FBLN2: variants seen among roughly 807,000 people sequenced by gnomAD.
FBLN2 encodes the protein fibulin 2.
FBLN2 carries 81 observed loss-of-function variants against 123.7 expected under a neutral mutation model. That is an observed-to-expected ratio of 0.65 (90% CI 0.55 to 0.79). FBLN2 has a LOEUF of 0.79. FBLN2 is among the 30% of genes least tolerant of loss of function. FBLN2 has a pLI of 0.00. For missense variants in FBLN2, 1,603 were observed against 1,681.3 expected (o/e 0.95, Z 0.81); for synonymous variants, 699 against 701.4 (o/e 1.00, Z 0.05).
chr3:13,631,772 C>T (rs1449177699), intron 16 of FBLN2, among the ~76,000 whole-genome samples: 2 of 152,188 alleles, frequency 1.3e-5, no homozygotes, highest in East Asian at 1.9e-4. Flanking sequence ...AGTGAGGAGA[C>T]GGCAGAAGAG....
In FBLN2 at chr3:13,637,214, A is replaced by C. The variant is rs534041263; in HGVS notation, c.3339-348A>C. Among the ~76,000 whole-genome samples the C allele has an allele frequency of 2.0e-5, 3 of 152,292 alleles. No homozygotes were observed. The East Asian group carries it at 5.8e-4, about 29-fold the overall frequency. On this transcript the variant is annotated intron_variant, in intron 17 of 17. Transcript: ENST00000404922. ...CTGGGTGCACTGGGAAGAAGGGAGAAGGAGGAGGAAGGGAAGGGGAGAGGG... is the reference window on the plus strand; with the variant it reads ...CTGGGTGCACTGGGAAGAAGGGAGACGGAGGAGGAAGGGAAGGGGAGAGGG...
chr3:13,589,587 T>C (rs1432803149), intron 2 of FBLN2, among the ~76,000 whole-genome samples: 1 of 152,114 alleles, frequency 6.6e-6, no homozygotes, highest in East Asian at 1.9e-4. Context: ...TGTCCAGTGC[T>C]CTCTCTCATT....
intron 2 of FBLN2, among the ~76,000 whole-genome samples, chr3:13,585,577 G>A (rs112837494): frequency 6.6e-6 from 1 of 152,190 alleles, no homozygotes; most frequent in Non-Finnish European, 1.5e-5. Flanking sequence ...GCCATTACTC[G>A]TGTTTGTGGT....
At chr3:13,554,892 A>C (rs922633279) in intron 1 of FBLN2, among the ~76,000 whole-genome samples, 7 of 151,388 alleles carry the variant, frequency 4.6e-5, no homozygotes, top group African/African-American at 1.5e-4. Flanking sequence ...TTGACATCAT[A>C]CTTAATAACT....
At position 13,618,105 on chromosome 3, in the gene FBLN2, G is replaced by A. The variant is rs1357591798; in HGVS notation, c.1759G>A (p.Ala587Thr). 11 of 1,613,430 alleles carry A rather than the reference G, an allele frequency of 6.8e-6. No homozygotes were observed. Among genetic ancestry groups the A allele is most frequent in the African/African-American group, 1.3e-5 (1 of 75,072 alleles). The change falls in exon 6 of 18, where the codon GCC becomes ACC. Residue 587 changes from alanine (A) to threonine (T), a missense_variant. Transcript: ENST00000404922. ...AGAGGCAGAGATGGCGGGCCGAGAGGCCCTGTCACTGGGCACAGAGGCCGA... is the reference window on the plus strand; with the variant it reads ...AGAGGCAGAGATGGCGGGCCGAGAGACCCTGTCACTGGGCACAGAGGCCGA... Reference protein sequence around the residue: ...VSEAEMAGREALSLGTEAELP... With the variant: ...VSEAEMAGRETLSLGTEAELP...
rs1200169929 is a variant in FBLN2 at position 13,571,509 on chromosome 3, C to T, written c.1154C>T (p.Pro385Leu). The stretch of plus-strand genomic sequence containing the variant: ...CCCAGGGACCCAGTCAAGCCCAGCC[C>T]CCACAACATCCTGTCCACATCACTG... ...GSPRDPVKPS[P>L]HNILSTSLPD... Residue 385 changes from proline (P) to leucine (L), a missense_variant, in exon 2 of 18, where the codon CCC becomes CTC. Pro to Leu is a moderately conservative substitution (Grantham distance 98). Transcript: ENST00000404922. 1.2e-6 allele frequency: 2 copies of T among 1,613,518 alleles called. No individual in the cohort carries two copies. Among genetic ancestry groups the T allele is most frequent in the African/African-American group, 2.7e-5 (2 of 74,916 alleles).
intron 4 of FBLN2, among the ~76,000 whole-genome samples, chr3:13,613,530 C>T (rs1705471810): frequency 6.6e-6 from 1 of 152,288 alleles, no homozygotes; most frequent in Admixed American, 6.5e-5. Flanking sequence ...GCTAAAGCTC[C>T]AGCCATCACA....
chr3:13,626,196 A>T (rs1457191343), intron 9 of FBLN2, among the ~76,000 whole-genome samples: 1 of 152,140 alleles, frequency 6.6e-6, no homozygotes, highest in Non-Finnish European at 1.5e-5. Context: ...AAGGGCAGGG[A>T]TTTCTGTCTT....
Position 13,628,919 on chromosome 3 carries a change from ACGT to A in FBLN2, c.2586_2588del (p.Ser863del), listed in dbSNP as rs1458027368. The A allele has an allele frequency of 4.3e-6, 7 of 1,612,944 alleles. No homozygotes were observed. In the African/African-American group the frequency reaches 9.3e-5, roughly 22 times the overall value. The stretch of plus-strand genomic sequence containing the variant: ...TGCCTCTGCAGACATCAACGAGTGC[ACGT>A]CACTGTCCGAGCCATGTCGGCCAGG... On this transcript the variant is annotated inframe_deletion, in exon 12 of 18. Coordinates refer to ENST00000404922, the MANE Select transcript of FBLN2 (RefSeq NM_001004019.2).
Position 13,608,120 on chromosome 3 carries a change from C to A in FBLN2, c.1365C>A (p.Asp455Glu). 6.3e-7 allele frequency: 1 copy of A among 1,598,936 alleles called. No homozygotes were observed. The highest frequency in any genetic ancestry group is 1.7e-5 in the Admixed American group (1 of 58,142). ...CCAAGQQWAI[D>E]NDECLEIPES... ...CAGCCGGACAGCAGTGGGCCATTGA[C>A]AATGACGAGTGCCTGGAGATCCCTG... The change falls in exon 3 of 18, where the codon GAC becomes GAA. Residue 455 changes from aspartate (D) to glutamate (E), a missense_variant. Physicochemically the swap from Asp to Glu is conservative, Grantham distance 45. Transcript: ENST00000404922.
chr3:13,607,931 C>T (rs1356713893), intron 2 of FBLN2, 131 bp from the exon 3 acceptor site: 15 of 659,838 alleles, frequency 2.3e-5, no homozygotes, highest in East Asian at 1.6e-4. Flanking sequence ...GAGCTGTTAG[C>T]GACCAGCATG....
At chr3:13,606,178 C>T (rs1043281538) in intron 2 of FBLN2, among the ~76,000 whole-genome samples, 1 of 152,156 alleles carries the variant, frequency 6.6e-6, no homozygotes, top group Non-Finnish European at 1.5e-5. Context: ...GGGATACAGG[C>T]GTGAACCACC....
At chr3:13,607,413 C>G (rs1038145021) in intron 2 of FBLN2, among the ~76,000 whole-genome samples, 1 of 152,190 alleles carries the variant, frequency 6.6e-6, no homozygotes, top group Non-Finnish European at 1.5e-5. Context: ...TCACTGTCTT[C>G]AGGCTGAGTA....
chr3:13,571,407 C>G lies in FBLN2; in HGVS notation c.1052C>G (p.Thr351Ser). The change falls in exon 2 of 18, where the codon ACT becomes AGT. Residue 351 changes from threonine (T) to serine (S), a missense_variant. Coordinates refer to ENST00000404922, the MANE Select transcript of FBLN2 (RefSeq NM_001004019.2). Reference protein sequence around the residue: ...ILDAQATSRSTGPEGVTHAPS... With the variant: ...ILDAQATSRSSGPEGVTHAPS... ...GATGCCCAAGCCACGTCCCGCAGCA[C>G]TGGGCCGGAGGGCGTGACGCATGCA... is the stretch of plus-strand genomic sequence containing the variant. The G allele has an allele frequency of 6.8e-6, 11 of 1,613,136 alleles. No homozygotes were observed. The highest frequency in any genetic ancestry group is 9.3e-6 in the Non-Finnish European group (11 of 1,179,638).
At position 13,637,753 on chromosome 3, in the gene FBLN2, T is replaced by C. The variant is rs1326149302; in HGVS notation, c.3530T>C (p.Phe1177Ser). ...ATCAAGGGCAATGAGGAGGGCTACT[T>C]TGGCACGCGCAGGCTCAATGCCTAC... ...NIIKGNEEGYFGTRRLNAYTG... is the reference protein window; with the variant it reads ...NIIKGNEEGYSGTRRLNAYTG... The change falls in exon 18 of 18, where the codon TTT becomes TCT. Residue 1177 changes from phenylalanine (F) to serine (S), a missense_variant. Phe to Ser is a radical substitution (Grantham distance 155, BLOSUM62 -2). Coordinates refer to ENST00000404922, the MANE Select transcript of FBLN2 (RefSeq NM_001004019.2). The C allele has an allele frequency of 6.2e-7, 1 of 1,613,950 alleles. No individual in the cohort carries two copies. Among genetic ancestry groups the C allele is most frequent in the African/African-American group, 1.3e-5 (1 of 75,074 alleles).
chr3:13,585,709 T>C (rs1051418899), intron 2 of FBLN2, among the ~76,000 whole-genome samples: 2 of 152,132 alleles, frequency 1.3e-5, no homozygotes, highest in Admixed American at 1.3e-4. Flanking sequence ...GAGAATCGCT[T>C]GAACCCAGGA....
chr3:13,594,122 C>T (rs1270010563), intron 2 of FBLN2, among the ~76,000 whole-genome samples: 4 of 152,168 alleles, frequency 2.6e-5, no homozygotes, highest in Admixed American at 2.0e-4. Context: ...TTCCCAGGCC[C>T]AGGAGTCAAG....
chr3:13,608,779 A>G, intron 3 of FBLN2, among the ~76,000 whole-genome samples: 1 of 152,188 alleles, frequency 6.6e-6, no homozygotes, highest in East Asian at 1.9e-4. Flanking sequence ...AAGAAAGATT[A>G]AGTTCAGAGA....
At position 13,622,047 on chromosome 3, in the gene FBLN2, C is replaced by T. The variant is rs1429663967; in HGVS notation, c.2296+132C>T. Reference sequence around the variant, plus strand: ...GAGCTCTCAGCACAGCCGGCATCTCCGTGCTCTATGTCGTGCCCTTGTGTC... The same window carrying T: ...GAGCTCTCAGCACAGCCGGCATCTCTGTGCTCTATGTCGTGCCCTTGTGTC... On this transcript the variant is annotated intron_variant, in intron 9 of 17. Transcript: ENST00000404922. 2.4e-5 allele frequency: 27 copies of T among 1,102,556 alleles called. 1 individual carries two copies. The highest frequency in any genetic ancestry group is 3.2e-5 in the South Asian group (2 of 62,202). The allele number at this position is 1,102,556 out of a possible 1,614,324, so 68.3% of individuals were successfully genotyped here.
Sources: gnomAD v4.1 joint callset for allele counts (sites outside exome capture counted in the v4.1 genomes callset) on GRCh38, gnomAD v4.1.1 for gene constraint, MANE v1.5 for transcripts, NCBI Gene and HGNC (gene_info 2026-07-23, HGNC 2026-07-21) for gene names.